OR8G5: variants seen among roughly 807,000 people sequenced by gnomAD.
OR8G5 encodes the protein olfactory receptor family 8 subfamily G member 5.
For missense variants in OR8G5, 347 were observed against 371.9 expected, an observed-to-expected ratio of 0.93 and a Z score of 0.55; for synonymous variants, 147 against 147.7, an observed-to-expected ratio of 1.00 and a Z score of 0.03.
intron 1 of OR8G5, among the ~76,000 whole-genome samples, chr11:124,259,722 C>T (rs1277699337): frequency 6.6e-6 from 1 of 152,076 alleles, no homozygotes; most frequent in Non-Finnish European, 1.5e-5. Context: ...ATACCTGAAT[C>T]AACAAACACT....
At chr11:124,257,887 C>G (rs944153986) in intron 1 of OR8G5, among the ~76,000 whole-genome samples, 3 of 152,062 alleles carry the variant, frequency 2.0e-5, no homozygotes, top group Non-Finnish European at 4.4e-5. Flanking sequence ...TTTCCAAGGC[C>G]TTTTAAAGCA....
intron 1 of OR8G5, among the ~76,000 whole-genome samples, chr11:124,257,141 A>G (rs1368638706): frequency 1.7e-5 from 2 of 114,510 alleles, no homozygotes; most frequent in Admixed American, 9.4e-5. Flanking sequence ...TACAAGACCT[A>G]AGAGTAGAAA....
intron 1 of OR8G5, among the ~76,000 whole-genome samples, chr11:124,261,167 T>C (rs76201512): frequency 0.011 from 1,609 of 152,070 alleles, 23 homozygotes; most frequent in African/African-American, 0.037. Context: ...TGTGTATGTG[T>C]ACCACATTTC....
intron 1 of OR8G5, among the ~76,000 whole-genome samples, chr11:124,259,067 TAATA>T (rs1861939879): frequency 6.6e-6 from 1 of 152,230 alleles, no homozygotes; most frequent in African/African-American, 2.4e-5. Flanking sequence ...GCTTAGAAGT[TAATA>T]AATATTTTCC....
rs576003474 is a variant in OR8G5 at position 124,259,204 on chromosome 11, A to T, written c.-15+2570A>T. Among the ~76,000 whole-genome samples, 6 of 152,308 alleles carry T rather than the reference A, an allele frequency of 3.9e-5. No individual in the cohort carries two copies. In the East Asian group the frequency reaches 1.2e-3, roughly 29 times the overall value. ...AGAGAGGTCAGATCTCTAAACCTCA[A>T]CATCAAAGATTCTGATTCACTAAAT... On this transcript the variant is annotated intron_variant, in intron 1 of 1. Coordinates refer to ENST00000641992, the MANE Select transcript of OR8G5 (RefSeq NM_001005198.2).
intron 1 of OR8G5, among the ~76,000 whole-genome samples, chr11:124,264,316 G>C (rs1010745037): frequency 7.9e-5 from 12 of 152,172 alleles, no homozygotes; most frequent in Admixed American, 3.9e-4. Context: ...AGGGATGTCA[G>C]AGATACTTCC....
In OR8G5 at chr11:124,265,827, T is replaced by A. The variant is rs1220340774; in HGVS notation, c.896T>A (p.Val299Asp). 23 of 1,613,952 alleles carry A rather than the reference T, an allele frequency of 1.4e-5. No homozygotes were observed. Among genetic ancestry groups the A allele is most frequent in the Non-Finnish European group, 1.9e-5 (22 of 1,179,886 alleles). The change falls in exon 2 of 2, where the codon GTT becomes GAT. Residue 299 changes from valine (V) to aspartate (D), a missense_variant. Coordinates refer to ENST00000641992, the MANE Select transcript of OR8G5 (RefSeq NM_001005198.2). ...AGCCTGAGGAATAAAGATGTCCACG[T>A]TGCCCTGAAGAAAACGCTAGGGAAA... ...IYSLRNKDVH[V>D]ALKKTLGKRT... is the part of the protein sequence containing the mutation.
chr11:124,258,699 C>A (rs961247825), intron 1 of OR8G5, among the ~76,000 whole-genome samples: 2 of 152,062 alleles, frequency 1.3e-5, no homozygotes, highest in Non-Finnish European at 2.9e-5. Flanking sequence ...ATTTGCATAG[C>A]ATCTGGGGTA....
At position 124,265,068 on chromosome 11, in the gene OR8G5, T is replaced by C; in HGVS notation, c.137T>C (p.Ile46Thr). 1.2e-6 allele frequency: 2 copies of C among 1,614,158 alleles called. No homozygotes were observed. The stretch of plus-strand genomic sequence containing the variant: ...ACAGTGCTGGGGAACCTGGGCATGA[T>C]CACACTGATTGGGCTCAGTTCTCAC... ...VVTVLGNLGM[I>T]TLIGLSSHLH... Residue 46 changes from isoleucine (I) to threonine (T), a missense_variant, in exon 2 of 2, where the codon ATC (isoleucine) becomes ACC (threonine). Physicochemically the swap from Ile to Thr is moderately conservative, Grantham distance 89. Transcript: ENST00000641992.
chr11:124,265,570 C>T lies in OR8G5; in HGVS notation c.639C>T (p.Thr213=), dbSNP rs1565320668. The change falls in exon 2 of 2, where the codon ACC becomes ACT. Residue 213 remains threonine, a synonymous_variant. Transcript: ENST00000641992. ...TTAACATCCTTGTCCCCAGCCTGAC[C>T]ATCCTCAGCTCTTACATCTTCATCA... ...SGINILVPSL[T]ILSSYIFIIA... 1.2e-6 allele frequency: 2 copies of T among 1,613,852 alleles called. No individual in the cohort carries two copies. The highest frequency in any genetic ancestry group is 2.2e-5 in the East Asian group (1 of 44,878).
intron 1 of OR8G5, among the ~76,000 whole-genome samples, chr11:124,261,570 AAT>A (rs561498982): frequency 9.2e-5 from 14 of 152,058 alleles, no homozygotes; most frequent in Non-Finnish European, 1.9e-4. Flanking sequence ...GAAATTTAAA[AAT>A]CAGAAATTTT....
rs1319476706 is a variant in OR8G5, at chr11:124,265,826, G to A, written c.895G>A (p.Val299Ile). Residue 299 changes from valine (V) to isoleucine (I), a missense_variant, in exon 2 of 2, where the codon GTT becomes ATT. Transcript: ENST00000641992. ...IYSLRNKDVH[V>I]ALKKTLGKRT... Reference sequence around the variant, plus strand: ...CAGCCTGAGGAATAAAGATGTCCACGTTGCCCTGAAGAAAACGCTAGGGAA... The same window carrying A: ...CAGCCTGAGGAATAAAGATGTCCACATTGCCCTGAAGAAAACGCTAGGGAA... 6.2e-6 allele frequency: 10 copies of A among 1,613,766 alleles called. No individual in the cohort carries two copies. The highest frequency in any genetic ancestry group is 2.2e-5 in the South Asian group (2 of 91,058).
At position 124,261,262 on chromosome 11, in the gene OR8G5, A is replaced by G. The variant is rs1186146623; in HGVS notation, c.-14-3656A>G. Among the ~76,000 whole-genome samples, 4 of 151,876 alleles carry G rather than the reference A, an allele frequency of 2.6e-5. No homozygotes were observed. The East Asian group carries it at 5.8e-4, about 22-fold the overall frequency. On this transcript the variant is annotated intron_variant, in intron 1 of 1. Coordinates refer to ENST00000641992, the MANE Select transcript of OR8G5 (RefSeq NM_001005198.2). ...AAAAGTTTTAACCTATAGTCATTGT[A>G]TATGTTTTGCTTTATATTTTGAGGT...
At chr11:124,261,959 T>C (rs1471693367) in intron 1 of OR8G5, among the ~76,000 whole-genome samples, 2 of 151,856 alleles carry the variant, frequency 1.3e-5, no homozygotes, top group Non-Finnish European at 2.9e-5. Flanking sequence ...TGTCTTAAAC[T>C]GTATAATATC....
intron 1 of OR8G5, among the ~76,000 whole-genome samples, chr11:124,256,892 T>G (rs1447804584): frequency 6.6e-6 from 1 of 152,202 alleles, no homozygotes; most frequent in Non-Finnish European, 1.5e-5. Flanking sequence ...AATTAGAATT[T>G]TCTGAGCATG....
intron 1 of OR8G5, among the ~76,000 whole-genome samples, chr11:124,261,804 T>C (rs187911482): frequency 6.6e-6 from 1 of 152,056 alleles, no homozygotes; most frequent in Admixed American, 6.6e-5. Flanking sequence ...CTCAGCAATT[T>C]GAAATAACTT....
chr11:124,256,701 T>C (rs935677108), intron 1 of OR8G5, 67 bp downstream of exon 1: 2 of 152,232 alleles, frequency 1.3e-5, no homozygotes, highest in Admixed American at 6.5e-5. Flanking sequence ...CTGTAAAAAC[T>C]GTAGGAAATA....
In OR8G5 at chr11:124,265,417, T is replaced by G; in HGVS notation, c.486T>G (p.Cys162Trp). 4 of 1,614,050 alleles carry G rather than the reference T, an allele frequency of 2.5e-6. No individual in the cohort carries two copies. The highest frequency in any genetic ancestry group is 3.4e-6 in the Non-Finnish European group (4 of 1,179,880). ...TTTGTGCGTCAGCTCATATAGGCTG[T>G]ATGTTTAGGGTTCAATTCTGCAAAT... is the stretch of plus-strand genomic sequence containing the variant. ...GLICASAHIG[C>W]MFRVQFCKFD... Residue 162 changes from cysteine to tryptophan, a missense_variant, in exon 2 of 2, where the codon TGT becomes TGG. Physicochemically the swap from Cys to Trp is radical, Grantham distance 215. Coordinates refer to ENST00000641992, the MANE Select transcript of OR8G5 (RefSeq NM_001005198.2).
rs926229650 is a variant in OR8G5, at chr11:124,265,350, C to T, written c.419C>T (p.Ala140Val). ...TACAGCATCATCATATCCAATAAGG[C>T]TTGCTTTTCTCTGATTTTAGTGGTG... Reference protein sequence around the residue: ...LLYSIIISNKACFSLILVVYV... With the variant: ...LLYSIIISNKVCFSLILVVYV... The change falls in exon 2 of 2, where the codon GCT (alanine) becomes GTT (valine). Residue 140 changes from alanine (A) to valine (V), a missense_variant. Transcript: ENST00000641992. 1 of 1,613,972 alleles carries T rather than the reference C, an allele frequency of 6.2e-7. No homozygotes were observed. Among genetic ancestry groups the T allele is most frequent in the Non-Finnish European group, 8.5e-7 (1 of 1,179,890 alleles).
Sources: allele counts gnomAD v4.1 joint callset (sites outside exome capture counted in the v4.1 genomes callset), GRCh38; gene constraint gnomAD v4.1.1; transcripts MANE v1.5; gene names NCBI Gene and HGNC (gene_info 2026-07-23, HGNC 2026-07-21).